The following SI variants were observed in gnomAD, a reference collection of about 807,000 sequenced individuals.
SI encodes the protein sucrase-isomaltase, also known as sucrase-isomaltase, intestinal.
In SI, 235 loss-of-function variants were observed where a neutral mutation model predicts 253.3. That is an observed-to-expected ratio of 0.93 (90% CI 0.83 to 1.03). The LOEUF (loss-of-function observed/expected upper bound fraction) is 1.03, where lower values mean the gene tolerates loss of function less well. SI is among the 50% of genes least tolerant of loss of function. The pLI is 0.00. For synonymous variants in SI, 819 were observed against 712.0 expected, an observed-to-expected ratio of 1.15 and a Z score of -2.39; for missense variants, 2,442 against 2,211.1, an observed-to-expected ratio of 1.10 and a Z score of -2.09.
chr3:165,036,625 T>G, intron 21 of SI, 148 bp from the exon 22 acceptor site: 1 of 566,578 alleles, frequency 1.8e-6, no homozygotes, highest in Non-Finnish European at 3.2e-6. Flanking sequence ...TTTATATGTA[T>G]TAATAATTTA....
intron 22 of SI, among the ~76,000 whole-genome samples, chr3:165,034,569 C>A (rs1712425451): frequency 6.6e-6 from 1 of 151,944 alleles, no homozygotes; most frequent in African/African-American, 2.4e-5. Flanking sequence ...AATCTAATCT[C>A]ACAGGAGAGC....
chr3:165,025,019 A>G (rs1245255311), intron 25 of SI, among the ~76,000 whole-genome samples: 6 of 151,194 alleles, frequency 4.0e-5, no homozygotes, highest in Admixed American at 6.6e-5. Flanking sequence ...GCTTTGTTCA[A>G]TTGGCTTCCA....
At chr3:165,074,276 T>C (rs984627534) in intron 3 of SI, 3 of 207,470 alleles carry the variant, frequency 1.4e-5, no homozygotes, top group African/African-American at 4.6e-5. Flanking sequence ...TTCATGAAGA[T>C]TTGTAAAATT....
chr3:165,033,587 AT>A, intron 22 of SI, 143 bp from the exon 23 acceptor site: 2 of 741,874 alleles, frequency 2.7e-6, no homozygotes, highest in Non-Finnish European at 3.7e-6. Context: ...TTGTTTTTAA[AT>A]TTTTTAATTG....
chr3:164,992,190 A>AACC lies in SI; in HGVS notation c.4967_4969dup (p.Trp1656dup). 1.2e-6 allele frequency: 2 copies of AACC among 1,611,298 alleles called. No individual in the cohort carries two copies. The highest frequency in any genetic ancestry group is 1.7e-6 in the Non-Finnish European group (2 of 1,179,042). On this transcript the variant is annotated inframe_insertion, in exon 43 of 48. Coordinates refer to ENST00000264382, the MANE Select transcript of SI (RefSeq NM_001041.4). ...TTAAATACTTACTGTATGGTAGTCAAACCACCGAGCATTGGGGACGTAGGC... is the reference window on the plus strand; with the variant it reads ...TTAAATACTTACTGTATGGTAGTCAAACCACCACCGAGCATTGGGGACGTAGGC...
chr3:165,066,709 A>T (rs1714265552), intron 6 of SI, among the ~76,000 whole-genome samples: 1 of 151,918 alleles, frequency 6.6e-6, no homozygotes, highest in South Asian at 2.1e-4. Flanking sequence ...CTTATTTCAC[A>T]TGGCATTTAA....
chr3:164,993,715 C>T (rs991871112), intron 41 of SI, among the ~76,000 whole-genome samples: 35 of 151,422 alleles, frequency 2.3e-4, no homozygotes, highest in African/African-American at 7.5e-4. Context: ...CAAATATGCT[C>T]CATGAAATAG....
intron 34 of SI, among the ~76,000 whole-genome samples, chr3:165,011,496 A>AT (rs1199084872): frequency 6.6e-6 from 1 of 152,008 alleles, no homozygotes; most frequent in Non-Finnish European, 1.5e-5. Flanking sequence ...TCTTCTCACA[A>AT]TTTTTAAGGC....
In SI at chr3:165,050,584, A is replaced by T. The variant is rs369279725; in HGVS notation, c.1513-709T>A. Among the ~76,000 whole-genome samples, 219 of 152,254 alleles carry T rather than the reference A, an allele frequency of 1.4e-3. 2 individuals carry two copies. The highest frequency in any genetic ancestry group is 5.1e-3 in the African/African-American group (211 of 41,562). ...CAGTTAAGTCTTTGCACTAAAAAAG[A>T]TAAATTTTATAAAATCATATATCAC... On this transcript the variant is annotated intron_variant, in intron 13 of 47. Transcript: ENST00000264382.
intron 37 of SI, among the ~76,000 whole-genome samples, chr3:165,002,279 T>G (rs75845711): frequency 0.12 from 18,775 of 151,760 alleles, 1,250 homozygotes; most frequent in South Asian, 0.17. Flanking sequence ...GAATTTCAAA[T>G]TACAAGAGAT....
chr3:165,071,505 T>C (rs1216632471), intron 3 of SI, among the ~76,000 whole-genome samples: 1 of 151,464 alleles, frequency 6.6e-6, no homozygotes, highest in African/African-American at 2.4e-5. Context: ...ATATTAAATG[T>C]AATAATTTCA....
In SI at chr3:165,055,243, T is replaced by C. The variant is rs1713638685; in HGVS notation, c.1463A>G (p.Asn488Ser). 3 of 1,612,008 alleles carry C rather than the reference T, an allele frequency of 1.9e-6. No homozygotes were observed. Among genetic ancestry groups the C allele is most frequent in the Non-Finnish European group, 2.5e-6 (3 of 1,178,614 alleles). Residue 488 changes from asparagine to serine, a missense_variant, in exon 13 of 48, where the codon AAT (asparagine) becomes AGT (serine). Asn to Ser is a conservative substitution (Grantham distance 46). Transcript: ENST00000264382. ...TTCTTGATGGAAAATACTGCATTCA[T>C]TTGCCCACCAATCAATGCAGTTTGG... ...TNPNCIDWWANECSIFHQEVQ... is the reference protein window; with the variant it reads ...TNPNCIDWWASECSIFHQEVQ...
In SI at chr3:165,047,025, C is replaced by T. The variant is rs112259253; in HGVS notation, c.1716-13G>A. The T allele has an allele frequency of 7.9e-4, 1,213 of 1,539,358 alleles. 13 individuals are homozygous for T. In the African/African-American group the frequency reaches 0.014, roughly 18 times the overall value. On this transcript the variant is annotated splice_polypyrimidine_tract_variant and intron_variant, in intron 15 of 47. Transcript: ENST00000264382. ...TTTTTGTACAGCTCTAAAAATAAAA[C>T]CAAATTAACAAATACAATTTATTTT...
At chr3:165,033,818 G>A (rs1712383778) in intron 22 of SI, among the ~76,000 whole-genome samples, 1 of 151,146 alleles carries the variant, frequency 6.6e-6, no homozygotes, top group Admixed American at 6.6e-5. Flanking sequence ...AGGAAGACAT[G>A]GCATATTATA....
chr3:165,039,567 A>T (rs2108216620), intron 19 of SI, among the ~76,000 whole-genome samples: 1 of 152,150 alleles, frequency 6.6e-6, no homozygotes, highest in East Asian at 1.9e-4. Context: ...GCAAAATTTC[A>T]ATGTATATGT....
chr3:165,064,324 T>C (rs1714123025), intron 7 of SI, among the ~76,000 whole-genome samples: 1 of 151,978 alleles, frequency 6.6e-6, no homozygotes, highest in African/African-American at 2.4e-5. Flanking sequence ...AGATATGGAT[T>C]TTTAAAGGAA....
At chr3:165,055,119 T>A (rs1713632603) in intron 13 of SI, 75 bp downstream of exon 13, 1 of 878,542 alleles carries the variant, frequency 1.1e-6, no homozygotes, top group African/African-American at 1.7e-5. Context: ...AAATATTTTG[T>A]TGACTTAGTA....
intron 28 of SI, among the ~76,000 whole-genome samples, chr3:165,018,849 ATAACC>A (rs1022776899): frequency 1.4e-4 from 21 of 151,702 alleles, no homozygotes; most frequent in African/African-American, 5.1e-4. Context: ...ACAGCCTTCA[ATAACC>A]TAAGTTTGGA....
intron 30 of SI, 40 bp from the exon 31 acceptor site, chr3:165,017,713 T>C (rs756064061): frequency 6.2e-6 from 10 of 1,603,550 alleles, no homozygotes; most frequent in Non-Finnish European, 8.5e-6. Context: ...AGAATTACTT[T>C]ATGCTATAAA....
Sources: allele counts gnomAD v4.1 joint callset (sites outside exome capture counted in the v4.1 genomes callset), GRCh38; gene constraint gnomAD v4.1.1; transcripts MANE v1.5; gene names NCBI Gene and HGNC (gene_info 2026-07-23, HGNC 2026-07-21).